The following PANK1 variants were observed in gnomAD, a reference collection of about 807,000 sequenced individuals.
The protein encoded by PANK1 is pantothenate kinase 1.
PANK1 carries 18 observed loss-of-function variants against 40.1 expected under a neutral mutation model. That is an observed-to-expected ratio of 0.45 (90% CI 0.31 to 0.67). The LOEUF (loss-of-function observed/expected upper bound fraction) is 0.67. Ranked by LOEUF, PANK1 falls within the 30% of genes least tolerant of loss-of-function variation. The pLI, the probability that PANK1 is intolerant of heterozygous loss-of-function variation, is 0.06. For synonymous variants in PANK1, 242 were observed against 237.7 expected (o/e 1.02, Z -0.17); for missense variants, 457 against 599.6 (o/e 0.76, Z 2.48).
At chr10:89,605,307 C>A (rs1844928462) in intron 2 of PANK1, among the ~76,000 whole-genome samples, 1 of 152,142 alleles carries the variant, frequency 6.6e-6, no homozygotes, top group African/African-American at 2.4e-5. Context: ...AAGATTTCTC[C>A]ACAGCATGGA....
intron 2 of PANK1, among the ~76,000 whole-genome samples, chr10:89,603,180 T>G (rs1844839439): frequency 6.6e-6 from 1 of 152,202 alleles, no homozygotes; most frequent in Non-Finnish European, 1.5e-5. Flanking sequence ...AGCCCTAGTT[T>G]ATAGCATTTA....
chr10:89,595,351 T>C (rs1220954244), intron 3 of PANK1, among the ~76,000 whole-genome samples: 1 of 151,650 alleles, frequency 6.6e-6, no homozygotes, highest in Non-Finnish European at 1.5e-5. Flanking sequence ...CTCAGAAAAC[T>C]GAGGAAGGAG....
chr10:89,610,807 T>A (rs1396178265), intron 2 of PANK1, among the ~76,000 whole-genome samples: 1 of 152,220 alleles, frequency 6.6e-6, no homozygotes, highest in African/African-American at 2.4e-5. Context: ...CTCCCAACCC[T>A]TCCTTCTTCC....
intron 5 of PANK1, among the ~76,000 whole-genome samples, chr10:89,591,458 A>G (rs1191723583): frequency 6.6e-6 from 1 of 152,240 alleles, no homozygotes; most frequent in Non-Finnish European, 1.5e-5. Flanking sequence ...AAAATGTTTT[A>G]GATTTGGTAA....
rs1192374008 is a variant in PANK1 at position 89,595,816 on chromosome 10, TAAAAAAAAAAA to T, written c.900-1838_900-1828del. On this transcript the variant is annotated intron_variant, in intron 3 of 6. Coordinates refer to ENST00000307534, the MANE Select transcript of PANK1 (RefSeq NM_148977.3). ...TGGGTGACAGAGCCGGACTCCATCT[TAAAAAAAAAAA>T]AAAAAAATATATATATATATATATA... 3.0e-3 allele frequency among the ~76,000 whole-genome samples: 122 copies of T among 40,874 alleles called. 1 individual carries two copies. Among genetic ancestry groups the T allele is most frequent in the Admixed American group, 0.025 (74 of 2,906 alleles). 26.8% of individuals were successfully genotyped at this position (40,874 alleles called of 152,430 possible).
chr10:89,619,485 C>G (rs1433271564), intron 1 of PANK1, among the ~76,000 whole-genome samples: 1 of 152,208 alleles, frequency 6.6e-6, no homozygotes, highest in Non-Finnish European at 1.5e-5. Flanking sequence ...ACAGTATAAA[C>G]TAAATGTAAA....
At chr10:89,628,476 G>C (rs1018486498) in intron 1 of PANK1, among the ~76,000 whole-genome samples, 1 of 149,494 alleles carries the variant, frequency 6.7e-6, no homozygotes, top group African/African-American at 2.4e-5. Context: ...TCCAGAATAA[G>C]CAAAACTCTA....
chr10:89,643,354 G>C (rs1842019597), intron 1 of PANK1, among the ~76,000 whole-genome samples: 2 of 152,322 alleles, frequency 1.3e-5, no homozygotes, highest in East Asian at 3.9e-4. Context: ...AAATTCAGGT[G>C]CTAGATTACA....
At chr10:89,639,574 A>C (rs1287188958) in intron 1 of PANK1, among the ~76,000 whole-genome samples, 1 of 152,198 alleles carries the variant, frequency 6.6e-6, no homozygotes, top group Non-Finnish European at 1.5e-5. Context: ...GGAAGTTAAG[A>C]ATCTCACCTA....
chr10:89,593,730 T>C, intron 4 of PANK1, 83 bp downstream of exon 4: 3 of 1,070,660 alleles, frequency 2.8e-6, no homozygotes, highest in Non-Finnish European at 4.3e-6. Context: ...TGGACTGACA[T>C]TTTAAAACAA....
At chr10:89,592,330 A>C (rs1021846976) in intron 5 of PANK1, among the ~76,000 whole-genome samples, 1 of 152,162 alleles carries the variant, frequency 6.6e-6, no homozygotes, top group Non-Finnish European at 1.5e-5. Flanking sequence ...TATTCAACTG[A>C]GAGGGGGCTC....
At chr10:89,589,120 T>A (rs557340263) in intron 5 of PANK1, among the ~76,000 whole-genome samples, 3 of 152,296 alleles carry the variant, frequency 2.0e-5, no homozygotes, top group Admixed American at 1.3e-4. Context: ...TCATGTGTAA[T>A]ACCTCAATCC....
chr10:89,627,775 T>C (rs549321740), intron 1 of PANK1, among the ~76,000 whole-genome samples: 4 of 152,284 alleles, frequency 2.6e-5, no homozygotes, highest in East Asian at 1.9e-4. Flanking sequence ...CTCCTAAGCA[T>C]AGTAACTATC....
chr10:89,635,730 G>A (rs1457652194), intron 1 of PANK1, among the ~76,000 whole-genome samples: 2 of 152,166 alleles, frequency 1.3e-5, no homozygotes, highest in Non-Finnish European at 2.9e-5. Flanking sequence ...TCATCTTGAG[G>A]GACACTTCCC....
At chr10:89,592,655 T>A (rs1844433475) in intron 5 of PANK1, 3 of 504,060 alleles carry the variant, frequency 6.0e-6, no homozygotes, top group South Asian at 4.4e-5. Flanking sequence ...AATCTTGCAA[T>A]GCTTCAAAAC....
intron 1 of PANK1, chr10:89,643,848 C>A: frequency 6.5e-7 from 1 of 1,538,788 alleles, no homozygotes; most frequent in Non-Finnish European, 8.7e-7. Flanking sequence ...TACAAACTAC[C>A]ATTATATATA....
intron 3 of PANK1, among the ~76,000 whole-genome samples, chr10:89,597,736 A>G (rs948196956): frequency 1.3e-5 from 2 of 152,186 alleles, no homozygotes; most frequent in Admixed American, 6.5e-5. Context: ...AGCTTTACCA[A>G]TTCAATTACT....
At chr10:89,621,324 G>A (rs955532797) in intron 1 of PANK1, among the ~76,000 whole-genome samples, 1 of 151,246 alleles carries the variant, frequency 6.6e-6, no homozygotes, top group African/African-American at 2.4e-5. Flanking sequence ...AAAAATCCTT[G>A]TTAAATCCAA....
At chr10:89,634,698 T>G (rs967752487) in intron 1 of PANK1, among the ~76,000 whole-genome samples, 30 of 152,184 alleles carry the variant, frequency 2.0e-4, no homozygotes, top group Non-Finnish European at 3.2e-4. Context: ...ACTGCCTCAC[T>G]CAAGGGCTGA....
Sources: allele counts gnomAD v4.1 joint callset (sites outside exome capture counted in the v4.1 genomes callset), GRCh38; gene constraint gnomAD v4.1.1; transcripts MANE v1.5; gene names NCBI Gene and HGNC (gene_info 2026-07-23, HGNC 2026-07-21).